The following GRM8 variants were observed in gnomAD, a reference collection of about 807,000 sequenced individuals.
GRM8 encodes glutamate metabotropic receptor 8.
Under a neutral mutation model 87.2 loss-of-function variants are expected in GRM8, and 47 were observed. The ratio of observed to expected loss-of-function variants is 0.54; its 90% CI spans 0.43 to 0.69. The LOEUF is 0.69. Ranked by LOEUF, GRM8 falls within the 30% of genes least tolerant of loss-of-function variation. The probability of loss-of-function intolerance (pLI) is 0.00; values close to 1 mark genes in which losing one functional copy is unlikely to be tolerated. For synonymous variants in GRM8, 396 were observed against 404.5 expected, an observed-to-expected ratio of 0.98 and a Z score of 0.25; for missense variants, 1,019 against 1,139.2, an observed-to-expected ratio of 0.89 and a Z score of 1.52.
Position 126,981,482 on chromosome 7 carries a change from G to A in GRM8, c.728-76799C>T, listed in dbSNP as rs186392138. Reference sequence around the variant, plus strand: ...CTCTACAGTCCTAAGGTAGTGCATGGTATCACATAGCGAGGAAGTTGAGCA... The same window carrying A: ...CTCTACAGTCCTAAGGTAGTGCATGATATCACATAGCGAGGAAGTTGAGCA... On this transcript the variant is annotated intron_variant, in intron 3 of 10. Transcript: ENST00000339582. Among the ~76,000 whole-genome samples the A allele has an allele frequency of 3.2e-3, 489 of 152,302 alleles. 4 individuals are homozygous for A. The highest frequency in any genetic ancestry group is 0.011 in the African/African-American group (466 of 41,570).
chr7:126,524,614 C>T (rs1377547816), intron 9 of GRM8, among the ~76,000 whole-genome samples: 1 of 151,958 alleles, frequency 6.6e-6, no homozygotes, highest in Admixed American at 6.6e-5. Context: ...GTCTCTGTTT[C>T]CTCTTCTAGG....
At chr7:126,908,773 T>A (rs1461958180) in intron 3 of GRM8, among the ~76,000 whole-genome samples, 1 of 152,212 alleles carries the variant, frequency 6.6e-6, no homozygotes, top group African/African-American at 2.4e-5. Flanking sequence ...TCACCTCATA[T>A]CTTTCAACCT....
intron 8 of GRM8, among the ~76,000 whole-genome samples, chr7:126,604,288 T>A (rs1798131511): frequency 1.3e-5 from 2 of 152,142 alleles, no homozygotes; most frequent in Admixed American, 1.3e-4. Context: ...GCTACTTTTT[T>A]AAATATCAAA....
At chr7:126,471,082 G>A (rs1211469827) in intron 9 of GRM8, among the ~76,000 whole-genome samples, 1 of 152,088 alleles carries the variant, frequency 6.6e-6, no homozygotes, top group African/African-American at 2.4e-5. Context: ...TGTAGATTCT[G>A]GATATTAGCC....
intron 3 of GRM8, among the ~76,000 whole-genome samples, chr7:126,991,074 G>C (rs948225041): frequency 2.0e-5 from 3 of 151,950 alleles, no homozygotes; most frequent in African/African-American, 7.3e-5. Context: ...TTGCTATGTG[G>C]ATTAAATTTT....
chr7:127,144,915 T>A (rs1311630188), intron 2 of GRM8, among the ~76,000 whole-genome samples: 1 of 152,124 alleles, frequency 6.6e-6, no homozygotes. Context: ...ATCTACACAG[T>A]TCTAGCAGAA....
intron 7 of GRM8, among the ~76,000 whole-genome samples, chr7:126,651,586 A>G (rs1195533405): frequency 1.3e-5 from 2 of 152,166 alleles, no homozygotes; most frequent in African/African-American, 4.8e-5. Flanking sequence ...TAGAGGTCTT[A>G]GTTCCAGAGG....
At chr7:126,576,200 C>T (rs1795101583) in intron 8 of GRM8, among the ~76,000 whole-genome samples, 1 of 152,162 alleles carries the variant, frequency 6.6e-6, no homozygotes, top group African/African-American at 2.4e-5. Flanking sequence ...ATGTCACTCA[C>T]AAATGGCAAA....
At chr7:127,094,931 A>G (rs1824493774) in intron 3 of GRM8, among the ~76,000 whole-genome samples, 1 of 152,220 alleles carries the variant, frequency 6.6e-6, no homozygotes, top group Admixed American at 6.5e-5. Flanking sequence ...TATGACACTA[A>G]AAGAACATGA....
chr7:126,798,227 C>T (rs562253869), intron 6 of GRM8, among the ~76,000 whole-genome samples: 1 of 151,990 alleles, frequency 6.6e-6, no homozygotes, highest in Non-Finnish European at 1.5e-5. Context: ...TGCCCCAAAG[C>T]AGATTCAAAG....
chr7:126,923,102 G>A (rs1257163157), intron 3 of GRM8, among the ~76,000 whole-genome samples: 4 of 152,190 alleles, frequency 2.6e-5, no homozygotes, highest in Non-Finnish European at 5.9e-5. Context: ...AGTCCTGTAT[G>A]TTAGGGAAGC....
intron 3 of GRM8, among the ~76,000 whole-genome samples, chr7:126,914,977 C>T (rs949555068): frequency 6.6e-6 from 1 of 152,194 alleles, no homozygotes; most frequent in African/African-American, 2.4e-5. Flanking sequence ...GACCTTGGCA[C>T]AGAGAGCCCC....
chr7:127,168,751 C>CATA (rs1032311202), intron 2 of GRM8, among the ~76,000 whole-genome samples: 3 of 138,286 alleles, frequency 2.2e-5, no homozygotes, highest in African/African-American at 8.1e-5. Flanking sequence ...AGCAAACTAA[C>CATA]ACAACAGAAA....
At chr7:126,554,802 T>A (rs898331167) in intron 8 of GRM8, among the ~76,000 whole-genome samples, 7 of 152,354 alleles carry the variant, frequency 4.6e-5, no homozygotes, top group South Asian at 2.1e-4. Flanking sequence ...TTGTCATATA[T>A]GTTATTTTTA....
chr7:127,098,413 G>A (rs909263448), intron 3 of GRM8, among the ~76,000 whole-genome samples: 1 of 152,152 alleles, frequency 6.6e-6, no homozygotes, highest in Admixed American at 6.5e-5. Context: ...TAATCTTAAA[G>A]TGAATCCATT....
chr7:126,934,239 C>T (rs557996715), intron 3 of GRM8, among the ~76,000 whole-genome samples: 3 of 152,198 alleles, frequency 2.0e-5, no homozygotes, highest in African/African-American at 7.2e-5. Flanking sequence ...TGGTTTATTC[C>T]TCTAACTTAT....
chr7:126,792,822 C>T (rs2151680220), intron 6 of GRM8, among the ~76,000 whole-genome samples: 2 of 152,302 alleles, frequency 1.3e-5, no homozygotes, highest in South Asian at 4.1e-4. Context: ...TGAACACTTG[C>T]AAACCATCAG....
intron 8 of GRM8, among the ~76,000 whole-genome samples, chr7:126,552,931 A>G (rs1262744133): frequency 6.6e-6 from 1 of 152,116 alleles, no homozygotes; most frequent in African/African-American, 2.4e-5. Context: ...CTGAGCCTCA[A>G]TTTCCCCATC....
At chr7:127,099,333 G>C (rs1207163389) in intron 3 of GRM8, among the ~76,000 whole-genome samples, 3 of 152,070 alleles carry the variant, frequency 2.0e-5, no homozygotes, top group Non-Finnish European at 4.4e-5. Context: ...AGACCAAAAG[G>C]GGAAATAAAA....
Sources: gnomAD v4.1 joint callset for allele counts (sites outside exome capture counted in the v4.1 genomes callset) on GRCh38, gnomAD v4.1.1 for gene constraint, MANE v1.5 for transcripts, NCBI Gene and HGNC (gene_info 2026-07-23, HGNC 2026-07-21) for gene names.